The following HEMK2 variants were observed in gnomAD, a reference collection of about 807,000 sequenced individuals.
The protein encoded by HEMK2 is HemK methyltransferase 2, ETF1 glutamine and histone H4 lysine, also known as methyltransferase HEMK2.
At chr21:28,606,143 T>A in the HEMK2 span, among the ~76,000 whole-genome samples, 10 of 152,272 alleles carry the variant, frequency 6.6e-5, no homozygotes, top group African/African-American at 2.4e-4. Flanking sequence ...TTTTGAGTTG[T>A]AACAGTATAG....
At chr21:28,850,460 G>A in the HEMK2 span, among the ~76,000 whole-genome samples, 6 of 152,012 alleles carry the variant, frequency 3.9e-5, no homozygotes, top group South Asian at 6.2e-4. Flanking sequence ...TCCTGACCTC[G>A]TGATCCGCCT....
chr21:28,691,433 T>C, the HEMK2 span, among the ~76,000 whole-genome samples: 88 of 152,310 alleles, frequency 5.8e-4, 1 homozygote, highest in South Asian at 2.9e-3. Context: ...GCCCAAATTG[T>C]TCCATTTTTG....
the HEMK2 span, among the ~76,000 whole-genome samples, chr21:28,851,759 T>C: frequency 6.6e-6 from 1 of 152,146 alleles, no homozygotes; most frequent in African/African-American, 2.4e-5. Flanking sequence ...AAGGGAAAAG[T>C]GATCAAGGTC....
chr21:28,589,707 C>A, the HEMK2 span, among the ~76,000 whole-genome samples: 1 of 151,918 alleles, frequency 6.6e-6, no homozygotes, highest in Non-Finnish European at 1.5e-5. Context: ...AATATGAACC[C>A]ATGCTTTGCT....
At chr21:28,788,183 CATATATACGTATATACGT>C in the HEMK2 span, among the ~76,000 whole-genome samples, 3 of 113,042 alleles carry the variant, frequency 2.7e-5, no homozygotes, top group South Asian at 2.5e-4. Flanking sequence ...CATATATACA[CATATATACGTATATACGT>C]ATATATACGT....
chr21:28,669,476 T>G, the HEMK2 span, among the ~76,000 whole-genome samples: 1 of 151,982 alleles, frequency 6.6e-6, no homozygotes, highest in African/African-American at 2.4e-5. Context: ...TTCCCTACCT[T>G]GTGGTTAGAC....
At chr21:28,650,394 C>CAA in the HEMK2 span, among the ~76,000 whole-genome samples, 2 of 141,388 alleles carry the variant, frequency 1.4e-5, no homozygotes, top group African/African-American at 2.6e-5. Context: ...GACTCCATCT[C>CAA]AAAAAAAAAA....
chr21:28,637,333 T>A, the HEMK2 span, among the ~76,000 whole-genome samples: 19 of 152,176 alleles, frequency 1.2e-4, no homozygotes, highest in Non-Finnish European at 2.5e-4. Flanking sequence ...GATGTGTTCA[T>A]AGGTTATCAT....
At chr21:28,754,398 T>A in the HEMK2 span, among the ~76,000 whole-genome samples, 1 of 152,168 alleles carries the variant, frequency 6.6e-6, no homozygotes, top group East Asian at 1.9e-4. Context: ...CGTGTGAGGG[T>A]CTGACATTAC....
the HEMK2 span, among the ~76,000 whole-genome samples, chr21:28,594,450 G>A: frequency 1.3e-5 from 2 of 152,172 alleles, no homozygotes; most frequent in African/African-American, 4.8e-5. Context: ...TGGAAATTAT[G>A]TGTACTATCT....
At chr21:28,825,423 G>A in the HEMK2 span, among the ~76,000 whole-genome samples, 1 of 152,232 alleles carries the variant, frequency 6.6e-6, no homozygotes, top group African/African-American at 2.4e-5. Context: ...GTGTGAAGGT[G>A]ATGTCTTGGC....
the HEMK2 span, among the ~76,000 whole-genome samples, chr21:28,637,095 T>G: frequency 6.6e-6 from 1 of 152,236 alleles, no homozygotes; most frequent in Admixed American, 6.5e-5. Flanking sequence ...AATCTTCTGC[T>G]AAGTCATTTC....
At chr21:28,708,323 T>A in the HEMK2 span, among the ~76,000 whole-genome samples, 1 of 152,224 alleles carries the variant, frequency 6.6e-6, no homozygotes, top group South Asian at 2.1e-4. Flanking sequence ...CTACTATTAA[T>A]CCTTTTTTGC....
the HEMK2 span, among the ~76,000 whole-genome samples, chr21:28,659,911 C>A: frequency 6.6e-6 from 1 of 152,004 alleles, no homozygotes; most frequent in Non-Finnish European, 1.5e-5. Context: ...TGGCACTGAA[C>A]CTAAATCAAT....
At chr21:28,666,417 C>T in the HEMK2 span, among the ~76,000 whole-genome samples, 4 of 152,216 alleles carry the variant, frequency 2.6e-5, no homozygotes, top group African/African-American at 7.2e-5. Context: ...GTTTAGGTTG[C>T]TAATACATGC....
At chr21:28,676,659 C>T in the HEMK2 span, among the ~76,000 whole-genome samples, 31 of 152,138 alleles carry the variant, frequency 2.0e-4, no homozygotes, top group Non-Finnish European at 3.5e-4. Context: ...GAGCCTGGCC[C>T]CTCCTCTTCC....
At chr21:28,583,072 T>A in the HEMK2 span, among the ~76,000 whole-genome samples, 2 of 152,160 alleles carry the variant, frequency 1.3e-5, no homozygotes, top group Non-Finnish European at 2.9e-5. Context: ...TGAGACTGAG[T>A]CAAAAGCTAT....
At chr21:28,685,202 T>C in the HEMK2 span, among the ~76,000 whole-genome samples, 5 of 152,254 alleles carry the variant, frequency 3.3e-5, no homozygotes, top group Admixed American at 2.0e-4. Context: ...GCTACCTCTA[T>C]GCAATTGCCT....
chr21:28,877,251 G>A, the HEMK2 span, among the ~76,000 whole-genome samples: 15 of 59,082 alleles, frequency 2.5e-4, no homozygotes, highest in South Asian at 7.0e-4. Flanking sequence ...GAAGGGAAGG[G>A]AAGAGAAGGG....
Sources: gnomAD v4.1 joint callset for allele counts (sites outside exome capture counted in the v4.1 genomes callset) on GRCh38, gnomAD v4.1.1 for gene constraint, MANE v1.5 for transcripts, NCBI Gene and HGNC (gene_info 2026-07-23, HGNC 2026-07-21) for gene names.